The following NCKAP5 variants were observed in gnomAD, a reference collection of about 807,000 sequenced individuals.
The protein encoded by NCKAP5 is nck-associated protein 5.
NCKAP5 carries 92 observed loss-of-function variants against 167.0 expected under a neutral mutation model. The observed-to-expected ratio is 0.55, with a 90% confidence interval of 0.47 to 0.66. The LOEUF (loss-of-function observed/expected upper bound fraction) is 0.66, where lower values mean the gene tolerates loss of function less well. Ranked by LOEUF, NCKAP5 falls within the 30% of genes least tolerant of loss-of-function variation. The probability of loss-of-function intolerance (pLI) is 0.00; values close to 1 mark genes in which losing one functional copy is unlikely to be tolerated. For missense variants in NCKAP5, 2,378 were observed against 2,315.0 expected (o/e 1.03, Z -0.56); for synonymous variants, 891 against 877.4 (o/e 1.02, Z -0.27).
chr2:133,305,432 C>A (rs780439615), intron 3 of NCKAP5, among the ~76,000 whole-genome samples: 1 of 152,178 alleles, frequency 6.6e-6, no homozygotes, highest in Non-Finnish European at 1.5e-5. Flanking sequence ...AGTTTAAGTA[C>A]ATACATACCA....
intron 4 of NCKAP5, among the ~76,000 whole-genome samples, chr2:133,214,684 T>C (rs2086352442): frequency 6.6e-6 from 1 of 152,178 alleles, no homozygotes; most frequent in South Asian, 2.1e-4. Flanking sequence ...GTCATAGGGG[T>C]AAGTGAATTC....
intron 7 of NCKAP5, among the ~76,000 whole-genome samples, chr2:132,968,524 G>T (rs1366789643): frequency 6.6e-6 from 1 of 152,052 alleles, no homozygotes; most frequent in Non-Finnish European, 1.5e-5. Context: ...GTGAGGAGTT[G>T]GACTCAATGT....
chr2:133,436,436 G>C (rs1276266214), intron 3 of NCKAP5, among the ~76,000 whole-genome samples: 1 of 152,150 alleles, frequency 6.6e-6, no homozygotes, highest in African/African-American at 2.4e-5. Context: ...CCATAAAGAA[G>C]CACCACAGGG....
chr2:133,591,440 A>G, the NCKAP5 span, among the ~76,000 whole-genome samples: 1 of 152,250 alleles, frequency 6.6e-6, no homozygotes, highest in African/African-American at 2.4e-5. Context: ...ACTGCATTGG[A>G]AACACAGACC....
At chr2:132,883,297 T>C (rs1342824635) in intron 8 of NCKAP5, among the ~76,000 whole-genome samples, 1 of 151,778 alleles carries the variant, frequency 6.6e-6, no homozygotes, top group African/African-American at 2.4e-5. Context: ...CCTTTCTTCC[T>C]TTCTCTCCTT....
intron 5 of NCKAP5, among the ~76,000 whole-genome samples, chr2:133,189,373 C>A (rs569040550): frequency 1.3e-5 from 2 of 152,174 alleles, no homozygotes; most frequent in African/African-American, 4.8e-5. Flanking sequence ...GAGCTGGTAC[C>A]GTTCCTTCTG....
At position 133,260,823 on chromosome 2, in the gene NCKAP5, A is replaced by G. The variant is rs530039966; in HGVS notation, c.143+42214T>C. On this transcript the variant is annotated intron_variant, in intron 4 of 19. Transcript: ENST00000409261. ...TTGCATCAGGTGAACTGTGTGTTAT[A>G]TATTGAATCTGACTGTAATGCCAGT... Among the ~76,000 whole-genome samples the G allele has an allele frequency of 3.6e-4, 55 of 152,368 alleles. No individual in the cohort carries two copies. In the South Asian group the frequency reaches 0.011, roughly 31 times the overall value.
chr2:133,413,284 C>A (rs1688889942), intron 3 of NCKAP5, among the ~76,000 whole-genome samples: 1 of 152,220 alleles, frequency 6.6e-6, no homozygotes, highest in South Asian at 2.1e-4. Flanking sequence ...TAAATGGCTT[C>A]TTTAGCTTCA....
chr2:133,206,851 G>T (rs1207107083), intron 5 of NCKAP5, among the ~76,000 whole-genome samples: 1 of 152,102 alleles, frequency 6.6e-6, no homozygotes, highest in African/African-American at 2.4e-5. Context: ...ATAGACTGCT[G>T]CTCTGGGAGT....
At chr2:133,233,760 T>A (rs1455843374) in intron 4 of NCKAP5, among the ~76,000 whole-genome samples, 3 of 152,208 alleles carry the variant, frequency 2.0e-5, no homozygotes, top group Non-Finnish European at 4.4e-5. Flanking sequence ...TTTACATGCA[T>A]CGTCTTATTG....
intron 6 of NCKAP5, among the ~76,000 whole-genome samples, chr2:133,022,050 A>T (rs1209002248): frequency 6.6e-6 from 1 of 152,240 alleles, no homozygotes; most frequent in Non-Finnish European, 1.5e-5. Flanking sequence ...ATCTGGCTTC[A>T]GCCAACAGAA....
intron 4 of NCKAP5, among the ~76,000 whole-genome samples, chr2:133,239,369 A>C (rs1437622502): frequency 3.9e-5 from 6 of 152,180 alleles, no homozygotes; most frequent in Non-Finnish European, 7.3e-5. Flanking sequence ...ACAAATTTAC[A>C]AGAGCATGAA....
chr2:133,671,147 G>A, the NCKAP5 span, among the ~76,000 whole-genome samples: 5 of 149,744 alleles, frequency 3.3e-5, no homozygotes, highest in South Asian at 2.1e-4. Flanking sequence ...CCCAGGAGGC[G>A]GAGTTTGCAG....
intron 19 of NCKAP5, among the ~76,000 whole-genome samples, chr2:132,675,709 A>G (rs1453346326): frequency 6.6e-6 from 1 of 152,206 alleles, no homozygotes; most frequent in African/African-American, 2.4e-5. Flanking sequence ...GGAAGAGTTA[A>G]TTGCCATTAA....
At chr2:133,614,604 G>T in the NCKAP5 span, among the ~76,000 whole-genome samples, 30 of 152,234 alleles carry the variant, frequency 2.0e-4, no homozygotes, top group South Asian at 2.9e-3. Context: ...AGAGAAAAAA[G>T]AATAAAAAGA....
intron 8 of NCKAP5, among the ~76,000 whole-genome samples, chr2:132,924,107 G>A (rs917185874): frequency 1.6e-4 from 24 of 152,128 alleles, no homozygotes; most frequent in African/African-American, 4.8e-4. Context: ...TTGGGCAGGC[G>A]ACCCCTACAA....
chr2:132,788,325 T>C (rs1443294117), intron 13 of NCKAP5, among the ~76,000 whole-genome samples: 2 of 151,148 alleles, frequency 1.3e-5, no homozygotes, highest in Admixed American at 1.3e-4. Flanking sequence ...TGGACAAGAA[T>C]CTTATATATA....
intron 4 of NCKAP5, among the ~76,000 whole-genome samples, chr2:133,258,319 A>G (rs2088724010): frequency 6.6e-6 from 1 of 152,186 alleles, no homozygotes; most frequent in South Asian, 2.1e-4. Context: ...CAACCTCTGC[A>G]TCATTTTCAG....
intron 4 of NCKAP5, among the ~76,000 whole-genome samples, chr2:133,253,679 T>G (rs185827983): frequency 6.6e-6 from 1 of 152,338 alleles, no homozygotes; most frequent in East Asian, 1.9e-4. Flanking sequence ...TAAAGATCAT[T>G]TAAACTCCTA....
Sources: allele counts gnomAD v4.1 joint callset (sites outside exome capture counted in the v4.1 genomes callset), GRCh38; gene constraint gnomAD v4.1.1; transcripts MANE v1.5; gene names NCBI Gene and HGNC (gene_info 2026-07-23, HGNC 2026-07-21).